SAMD5: variants seen among roughly 807,000 people sequenced by gnomAD.
The protein encoded by SAMD5 is sterile alpha motif domain containing 5, also known as sterile alpha motif domain-containing protein 5.
In SAMD5, 13 loss-of-function variants were observed where a neutral mutation model predicts 11.3. The ratio of observed to expected loss-of-function variants is 1.15; its 90% confidence interval spans 0.75 to 1.83. SAMD5 has a LOEUF of 1.83. Among genes scored for constraint, SAMD5 ranks in the 40% most tolerant of loss-of-function variants. SAMD5 has a pLI of 0.00. For missense variants in SAMD5, 255 were observed against 239.1 expected (o/e 1.07, Z -0.44); for synonymous variants, 129 against 111.3 (o/e 1.16, Z -1.00).
At chr6:147,606,444 G>C (rs989334811) in intron 1 of SAMD5, among the ~76,000 whole-genome samples, 1 of 151,762 alleles carries the variant, frequency 6.6e-6, no homozygotes, top group Admixed American at 6.6e-5. Context: ...AGGCAGGCCT[G>C]ATGGCCCACG....
intron 1 of SAMD5, among the ~76,000 whole-genome samples, chr6:147,685,256 G>T (rs1047444604): frequency 2.0e-5 from 3 of 152,144 alleles, no homozygotes; most frequent in Non-Finnish European, 4.4e-5. Context: ...GAGTGCAATG[G>T]TGCGATCTCG....
At chr6:147,924,798 A>G in the SAMD5 span, among the ~76,000 whole-genome samples, 2 of 150,752 alleles carry the variant, frequency 1.3e-5, no homozygotes, top group Non-Finnish European at 3.0e-5. Context: ...AAATAAATAA[A>G]TAAATAAATA....
chr6:147,931,657 T>A, the SAMD5 span, among the ~76,000 whole-genome samples: 73 of 152,340 alleles, frequency 4.8e-4, no homozygotes, highest in African/African-American at 1.6e-3. Flanking sequence ...AATTCATATT[T>A]AACTTACAGA....
chr6:147,924,035 A>C, the SAMD5 span, among the ~76,000 whole-genome samples: 1 of 152,152 alleles, frequency 6.6e-6, no homozygotes, highest in Non-Finnish European at 1.5e-5. Context: ...CAGTGGGGTG[A>C]GTCAAAGGTT....
chr6:147,935,767 T>A, the SAMD5 span, among the ~76,000 whole-genome samples: 3 of 152,158 alleles, frequency 2.0e-5, no homozygotes, highest in African/African-American at 7.2e-5. Context: ...CTATCCTTTA[T>A]AAGCCAGGGA....
chr6:147,626,738 G>A (rs565275904), intron 1 of SAMD5, among the ~76,000 whole-genome samples: 25 of 133,410 alleles, frequency 1.9e-4, no homozygotes, highest in African/African-American at 6.3e-4. Context: ...AGGGTCGCTT[G>A]AAGCCAGGAG....
At chr6:147,830,576 G>A in the SAMD5 span, among the ~76,000 whole-genome samples, 1 of 151,850 alleles carries the variant, frequency 6.6e-6, no homozygotes, top group African/African-American at 2.4e-5. Flanking sequence ...CTTTCAATTT[G>A]CACTTCTTTT....
At chr6:147,607,410 A>G (rs140478032) in intron 1 of SAMD5, among the ~76,000 whole-genome samples, 161 of 152,292 alleles carry the variant, frequency 1.1e-3, no homozygotes, top group African/African-American at 3.5e-3. Context: ...GAGGAATCAC[A>G]ACACCTGACT....
At chr6:147,803,151 G>A in the SAMD5 span, among the ~76,000 whole-genome samples, 4 of 143,104 alleles carry the variant, frequency 2.8e-5, no homozygotes, top group African/African-American at 8.3e-5. Flanking sequence ...GTGTGTGTGT[G>A]TGTGTGTGTG....
At chr6:147,830,899 C>T in the SAMD5 span, among the ~76,000 whole-genome samples, 8 of 152,230 alleles carry the variant, frequency 5.3e-5, no homozygotes, top group African/African-American at 1.4e-4. Context: ...AGTTTTTTCC[C>T]GCTATTGTTA....
chr6:147,879,306 G>C, the SAMD5 span, among the ~76,000 whole-genome samples: 1 of 152,178 alleles, frequency 6.6e-6, no homozygotes, highest in African/African-American at 2.4e-5. Flanking sequence ...TTATTTATCT[G>C]CGCAGGCTGA....
At chr6:147,933,256 C>A in the SAMD5 span, among the ~76,000 whole-genome samples, 1 of 152,178 alleles carries the variant, frequency 6.6e-6, no homozygotes, top group Admixed American at 6.5e-5. Flanking sequence ...GACACAAAAG[C>A]AGTGACCTGC....
chr6:147,526,876 G>C (rs1788350900), intron 1 of SAMD5, among the ~76,000 whole-genome samples: 1 of 152,194 alleles, frequency 6.6e-6, no homozygotes, highest in African/African-American at 2.4e-5. Context: ...GTACTAATGA[G>C]TTTAGAATTC....
At chr6:147,824,420 CA>C in the SAMD5 span, among the ~76,000 whole-genome samples, 1 of 152,084 alleles carries the variant, frequency 6.6e-6, no homozygotes, top group African/African-American at 2.4e-5. Context: ...AAAAACCTAA[CA>C]GAGGGAAAAT....
rs1269586745 is a variant in SAMD5 at position 147,509,110 on chromosome 6, G to C, written c.182G>C (p.Arg61Pro). The C allele has an allele frequency of 3.8e-6, 6 of 1,584,058 alleles. No homozygotes were observed. Among genetic ancestry groups the C allele is most frequent in the African/African-American group, 1.4e-5 (1 of 72,978 alleles). ...HRRRILEAVR[R>P]LREQDANAAG... ...CGCCGTATCCTGGAGGCCGTGCGCC[G>C]GCTGCGGGAGCAGGACGCCAACGCC... Residue 61 changes from arginine (R) to proline (P), a missense_variant, in exon 1 of 2, where the codon CGG becomes CCG. Transcript: ENST00000367474.
chr6:147,934,410 G>A, the SAMD5 span, among the ~76,000 whole-genome samples: 1 of 152,306 alleles, frequency 6.6e-6, no homozygotes, highest in East Asian at 1.9e-4. Flanking sequence ...TCTTGAGAGT[G>A]GCCATAAGCG....
intron 1 of SAMD5, among the ~76,000 whole-genome samples, chr6:147,511,605 C>T (rs1407696752): frequency 6.9e-6 from 1 of 145,272 alleles, no homozygotes; most frequent in Non-Finnish European, 1.5e-5. Context: ...TTATCTCCCT[C>T]ATTGATCCTT....
the SAMD5 span, among the ~76,000 whole-genome samples, chr6:147,791,115 G>A: frequency 1.3e-5 from 2 of 151,626 alleles, no homozygotes; most frequent in Non-Finnish European, 2.9e-5. Flanking sequence ...GCCAACATGG[G>A]GAAACCTCAC....
At chr6:147,610,871 ATT>A (rs35348058) in intron 1 of SAMD5, among the ~76,000 whole-genome samples, 11 of 142,542 alleles carry the variant, frequency 7.7e-5, no homozygotes, top group African/African-American at 2.1e-4. Context: ...AAAAGCCAGA[ATT>A]TTTTTTTTTT....
Sources: allele counts gnomAD v4.1 joint callset (sites outside exome capture counted in the v4.1 genomes callset), GRCh38; gene constraint gnomAD v4.1.1; transcripts MANE v1.5; gene names NCBI Gene and HGNC (gene_info 2026-07-23, HGNC 2026-07-21).